EPS8L1: variants seen among roughly 807,000 people sequenced by gnomAD.
EPS8L1 encodes epidermal growth factor receptor kinase substrate 8-like protein 1.
EPS8L1 carries 101 observed loss-of-function variants against 91.7 expected under a neutral mutation model. The ratio of observed to expected loss-of-function variants is 1.10; its 90% CI spans 0.94 to 1.30. EPS8L1 has a LOEUF of 1.30. Among genes scored for constraint, EPS8L1 ranks in the 50% most tolerant of loss-of-function variants. EPS8L1 has a pLI of 0.00. For missense variants in EPS8L1, 1,114 were observed against 1,017.0 expected, an observed-to-expected ratio of 1.10 and a Z score of -1.30; for synonymous variants, 506 against 445.3, an observed-to-expected ratio of 1.14 and a Z score of -1.72.
chr19:55,084,894 C>T (rs974502216), intron 14 of EPS8L1, among the ~76,000 whole-genome samples: 2 of 152,132 alleles, frequency 1.3e-5, no homozygotes, highest in African/African-American at 4.8e-5. Flanking sequence ...AAGTTCAAGT[C>T]CAGCTGCCTG....
chr19:55,081,341 G>A lies in EPS8L1; in HGVS notation c.623G>A (p.Gly208Asp), dbSNP rs9087. 6,900 of 1,558,686 alleles carry A rather than the reference G, an allele frequency of 4.4e-3. 230 individuals carry two copies. The African/African-American group carries it at 0.082, about 19-fold the overall frequency. Residue 208 changes from glycine (G) to aspartate (D), a missense_variant, in exon 8 of 20, where the codon GGC (glycine) becomes GAC (aspartate). By Grantham distance (94) the Gly-to-Asp change is moderately conservative. Coordinates refer to ENST00000201647, the MANE Select transcript of EPS8L1 (RefSeq NM_133180.3). The surrounding 1 kb of genome is among the most constrained non-coding windows in gnomAD (Gnocchi z 4.9). Reference protein sequence around the residue: ...AVISTVERGAGRGRPQAKPIP... With the variant: ...AVISTVERGADRGRPQAKPIP... Reference sequence around the variant, plus strand: ...ATCAGCACCGTAGAGCGGGGCGCGGGCCGCGGACGACCCCAGGCGAAGCCC... The same window carrying A: ...ATCAGCACCGTAGAGCGGGGCGCGGACCGCGGACGACCCCAGGCGAAGCCC...
Position 55,081,890 on chromosome 19 carries a change from G to C in EPS8L1, c.892G>C (p.Ala298Pro). The change falls in exon 9 of 20, where the codon GCG becomes CCG. Residue 298 changes from alanine (A) to proline (P), a missense_variant. Physicochemically the swap from Ala to Pro is conservative, Grantham distance 27 (BLOSUM62 -1). Coordinates refer to ENST00000201647, the MANE Select transcript of EPS8L1 (RefSeq NM_133180.3). This position sits in a 1 kb window ranked among gnomAD's most constrained non-coding sequence, Gnocchi z 4.9. ...ACGCGGCCGCAGGAGCCGGCGCCGGGCGGCTGGGGGTAAGGGGCACCCTGG... is the reference window on the plus strand; with the variant it reads ...ACGCGGCCGCAGGAGCCGGCGCCGGCCGGCTGGGGGTAAGGGGCACCCTGG... ...RERGRRSRRR[A>P]AGEGLLTLRA... The C allele has an allele frequency of 6.2e-7, 1 of 1,608,152 alleles. No individual in the cohort carries two copies. The highest frequency in any genetic ancestry group is 1.1e-5 in the South Asian group (1 of 90,806).
In EPS8L1 at chr19:55,081,787, C is replaced by T. The variant is rs901706599; in HGVS notation, c.789C>T (p.His263=). The T allele has an allele frequency of 4.3e-6, 7 of 1,610,784 alleles. No homozygotes were observed. The highest frequency in any genetic ancestry group is 5.9e-6 in the Non-Finnish European group (7 of 1,177,682). The change falls in exon 9 of 20, where the codon CAC becomes CAT. Residue 263 remains histidine, a synonymous_variant. Transcript: ENST00000201647. This position sits in a 1 kb window ranked among gnomAD's most constrained non-coding sequence, Gnocchi z 4.9. The stretch of plus-strand genomic sequence containing the variant: ...CTGTCCCCTAGGACATCCTGAACCA[C>T]GTGTTCGACGACGTAGAGAGCTTTG... ...QAEREVDILN[H]VFDDVESFVS...
chr19:55,087,713 C>A lies in EPS8L1; in HGVS notation c.*99C>A, dbSNP rs765161129. 3 of 1,239,368 alleles carry A rather than the reference C, an allele frequency of 2.4e-6. No homozygotes were observed. The highest frequency in any genetic ancestry group is 3.0e-5 in the African/African-American group (2 of 67,360). The allele number at this position is 1,239,368 out of a possible 1,614,324, so 76.8% of individuals were successfully genotyped here. ...GGAAGTCGATCTTCTGAAGGATGGC[C>A]AATCTGCTCCGGCCCTGGTCTTCCC... is the stretch of plus-strand genomic sequence containing the variant. On this transcript the variant is annotated 3_prime_UTR_variant, in exon 20 of 20. Coordinates refer to ENST00000201647, the MANE Select transcript of EPS8L1 (RefSeq NM_133180.3).
intron 11 of EPS8L1, 38 bp downstream of exon 11, chr19:55,082,387 G>A (rs753459763): frequency 6.2e-7 from 1 of 1,612,400 alleles, no homozygotes; most frequent in African/African-American, 1.3e-5. Flanking sequence ...CCCCTGCAGC[G>A]GGAGGAATCG....
rs60073068 is a variant in EPS8L1, at chr19:55,087,550, T to C, written c.2108T>C (p.Leu703Pro). The change falls in exon 20 of 20, where the codon CTG becomes CCG. Residue 703 changes from leucine to proline, a missense_variant. Transcript: ENST00000201647. ...CAGGACAAAGAGAAAGTGTCAGAGC[T>C]GGAGGCAGTGATGGAGAAGCAAAAG... ...LLEDKEKVSE[L>P]EAVMEKQKKK... 42 of 1,614,026 alleles carry C rather than the reference T, an allele frequency of 2.6e-5. No homozygotes were observed. The African/African-American group carries it at 5.2e-4, about 20-fold the overall frequency.
intron 2 of EPS8L1, 28 bp downstream of exon 2, chr19:55,076,489 G>A (rs759327789): frequency 3.1e-6 from 5 of 1,608,858 alleles, no homozygotes; most frequent in Non-Finnish European, 4.2e-6. Flanking sequence ...CCAGGTCCCA[G>A]CCCCAGCACG....
intron 17 of EPS8L1, 79 bp from the exon 18 acceptor site, chr19:55,086,635 G>GGGCCCC: frequency 7.6e-7 from 1 of 1,307,702 alleles, no homozygotes; most frequent in Non-Finnish European, 1.1e-6. Context: ...ACGCTGGAGC[G>GGGCCCC]CCCCCCCGCC....
In EPS8L1 at chr19:55,082,089, C is replaced by T; in HGVS notation, c.902-3C>T. 1 of 1,582,982 alleles carries T rather than the reference C, an allele frequency of 6.3e-7. No individual in the cohort carries two copies. The highest frequency in any genetic ancestry group is 8.6e-7 in the Non-Finnish European group (1 of 1,165,176). On this transcript the variant is annotated splice_region_variant and splice_polypyrimidine_tract_variant and intron_variant, in intron 9 of 19. Coordinates refer to ENST00000201647, the MANE Select transcript of EPS8L1 (RefSeq NM_133180.3). ...CATCGCCGCGCCCGTCTGCTCCCCT[C>T]AGAGGGCTTGCTGACGCTGCGGGCC...
intron 6 of EPS8L1, 80 bp from the exon 7 acceptor site, chr19:55,080,692 T>C: frequency 6.3e-7 from 1 of 1,574,862 alleles, no homozygotes; most frequent in Non-Finnish European, 8.6e-7. Context: ...GGGACTGAGC[T>C]GAAAAATCGG....
Position 55,081,999 on chromosome 19 carries a change from A to C in EPS8L1, c.902-93A>C. 2 of 1,552,772 alleles carry C rather than the reference A, an allele frequency of 1.3e-6. No homozygotes were observed. Among genetic ancestry groups the C allele is most frequent in the Non-Finnish European group, 1.7e-6 (2 of 1,146,894 alleles). Reference sequence around the variant, plus strand: ...CCCCTCCCGCCACTTGCCAGGGCTGACCTCACCGCCATCTTAACCGGGTGT... The same window carrying C: ...CCCCTCCCGCCACTTGCCAGGGCTGCCCTCACCGCCATCTTAACCGGGTGT... On this transcript the variant is annotated intron_variant, in intron 9 of 19. Transcript: ENST00000201647. The surrounding 1 kb of genome is among the most constrained non-coding windows in gnomAD (Gnocchi z 4.9).
At chr19:55,080,023 C>A in intron 5 of EPS8L1, 106 bp from the exon 6 acceptor site, 1 of 1,443,798 alleles carries the variant, frequency 6.9e-7, no homozygotes, top group Non-Finnish European at 9.1e-7. Context: ...ATCCCTAACC[C>A]CCTAACCGCC....
At chr19:55,078,183 GACC>G in intron 3 of EPS8L1, 55 bp downstream of exon 3, 1 of 1,564,508 alleles carries the variant, frequency 6.4e-7, no homozygotes, top group Non-Finnish European at 8.8e-7. Context: ...AAAGAAACAG[GACC>G]TGGCATCCAG....
At chr19:55,079,645 T>C in intron 4 of EPS8L1, 45 bp from the exon 5 acceptor site, 2 of 1,589,868 alleles carry the variant, frequency 1.3e-6, no homozygotes, top group African/African-American at 1.3e-5. Flanking sequence ...TGAGCCCACC[T>C]GGCATCATCT....
intron 6 of EPS8L1, 111 bp from the exon 7 acceptor site, chr19:55,080,661 A>G: frequency 6.4e-7 from 1 of 1,565,724 alleles, no homozygotes; most frequent in Non-Finnish European, 8.7e-7. Context: ...CACAGGTGTG[A>G]ACGGTAGCCG....
At position 55,081,835 on chromosome 19, in the gene EPS8L1, G is replaced by A. The variant is rs1230030754; in HGVS notation, c.837G>A (p.Ala279=). ...ESFVSRLQKS[A]EAARVLEHRE... ...TTGTATCGAGGCTGCAGAAGTCGGCGGAGGCGGCCAGGGTGCTGGAGCACC... is the reference window on the plus strand; with the variant it reads ...TTGTATCGAGGCTGCAGAAGTCGGCAGAGGCGGCCAGGGTGCTGGAGCACC... Residue 279 remains alanine (A), a synonymous_variant, in exon 9 of 20, where the codon GCG becomes GCA. Transcript: ENST00000201647. The surrounding 1 kb of genome is among the most constrained non-coding windows in gnomAD (Gnocchi z 4.9). 6.2e-7 allele frequency: 1 copy of A among 1,612,648 alleles called. No homozygotes were observed. The highest frequency in any genetic ancestry group is 8.5e-7 in the Non-Finnish European group (1 of 1,179,210).
Position 55,078,984 on chromosome 19 carries a change from T to C in EPS8L1, c.59-15T>C. The C allele has an allele frequency of 6.2e-7, 1 of 1,613,440 alleles. No homozygotes were observed. The highest frequency in any genetic ancestry group is 8.5e-7 in the Non-Finnish European group (1 of 1,179,828). On this transcript the variant is annotated splice_polypyrimidine_tract_variant and intron_variant, in intron 3 of 19. Transcript: ENST00000201647. ...GGCCTGGACTCCCAGGCTCATTCTC[T>C]TTCTCCCCTGGCAGAGCAGAGGAAG...
At chr19:55,079,627 G>C in intron 4 of EPS8L1, 63 bp from the exon 5 acceptor site, 3 of 1,561,344 alleles carry the variant, frequency 1.9e-6, no homozygotes, top group Non-Finnish European at 2.6e-6. Flanking sequence ...GATTATTCTG[G>C]GGGATTCTGA....
In EPS8L1 at chr19:55,086,198, C is replaced by A. The variant is rs757066129; in HGVS notation, c.1650+6C>A. On this transcript the variant is annotated splice_donor_region_variant and intron_variant, in intron 16 of 19. Transcript: ENST00000201647. ...AAAGCCCTGCCCGCAGCCTGGTGAG[C>A]CAGCGCAGACGCTGGGATCTTGAGG... is the stretch of plus-strand genomic sequence containing the variant. 2 of 1,592,034 alleles carry A rather than the reference C, an allele frequency of 1.3e-6. No homozygotes were observed. Among genetic ancestry groups the A allele is most frequent in the East Asian group, 2.2e-5 (1 of 44,734 alleles).
Sources: allele counts gnomAD v4.1 joint callset (sites outside exome capture counted in the v4.1 genomes callset), GRCh38; gene constraint gnomAD v4.1.1; non-coding constraint Gnocchi (gnomAD v3.1); transcripts MANE v1.5; gene names NCBI Gene and HGNC (gene_info 2026-07-23, HGNC 2026-07-21).